The following WFDC1 variants were observed in gnomAD, a reference collection of about 807,000 sequenced individuals.
WFDC1 encodes WAP four-disulfide core domain protein 1.
WFDC1 carries 39 observed loss-of-function variants against 32.9 expected under a neutral mutation model. The ratio of observed to expected loss-of-function variants is 1.19; its 90% CI spans 0.92 to 1.55. The LOEUF (loss-of-function observed/expected upper bound fraction) is 1.55. Among genes scored for constraint, WFDC1 ranks in the 40% most tolerant of loss-of-function variants. The probability of loss-of-function intolerance (pLI) is 0.00; values close to 1 mark genes in which losing one functional copy is unlikely to be tolerated. For synonymous variants in WFDC1, 184 were observed against 137.4 expected (o/e 1.34, Z -2.37); for missense variants, 386 against 309.5 (o/e 1.25, Z -1.85).
rs777007165 is a variant in WFDC1, at chr16:84,318,347, T to G, written c.413T>G (p.Val138Gly). The G allele has an allele frequency of 6.2e-7, 1 of 1,613,506 alleles. No individual in the cohort carries two copies. Among genetic ancestry groups the G allele is most frequent in the Middle Eastern group, 1.7e-4 (1 of 5,974 alleles). ...TGGCTCCTGGATGGCCCTGAGGAGG[T>G]GTTACAAGGTACCTGCCGGGTAAAG... ...NGWLLDGPEE[V>G]LQAEACSTTE... Residue 138 changes from valine to glycine, a missense_variant, in exon 3 of 7, where the codon GTG becomes GGG. Physicochemically the swap from Val to Gly is moderately radical, Grantham distance 109 (BLOSUM62 -3). Coordinates refer to ENST00000219454, the MANE Select transcript of WFDC1 (RefSeq NM_021197.4).
At chr16:84,309,871 TGTG>T (rs1302011205) in intron 1 of WFDC1, among the ~76,000 whole-genome samples, 1 of 2,986 alleles carries the variant, frequency 3.3e-4, no homozygotes, top group Non-Finnish European at 5.5e-4. Flanking sequence ...GGCGTGCTTG[TGTG>T]TGTGTGTGTG....
chr16:84,316,844 G>C (rs1907978855), intron 2 of WFDC1: 1 of 152,144 alleles, frequency 6.6e-6, no homozygotes, highest in Non-Finnish European at 1.5e-5. Context: ...CAGGCATGGT[G>C]ATGCGTGCCT....
At position 84,294,906 on chromosome 16, in the gene WFDC1, C is replaced by T. The variant is rs960623379; in HGVS notation, c.-66C>T. 1 of 1,567,706 alleles carries T rather than the reference C, an allele frequency of 6.4e-7. No homozygotes were observed. The highest frequency in any genetic ancestry group is 1.4e-5 in the African/African-American group (1 of 74,058). ...CTGTGCACGCTCCTGTCCCCACTCA[C>T]AGGCCCACGCAGCGAGGGGGGCCCC... On this transcript the variant is annotated 5_prime_UTR_variant, in exon 1 of 7. Coordinates refer to ENST00000219454, the MANE Select transcript of WFDC1 (RefSeq NM_021197.4).
At chr16:84,300,910 C>G (rs61232441) in intron 1 of WFDC1, among the ~76,000 whole-genome samples, 6,540 of 151,592 alleles carry the variant, frequency 0.043, 427 homozygotes, top group African/African-American at 0.14. Context: ...GCGAGGTGGA[C>G]GTTGCAGTGA....
chr16:84,327,229 C>T, intron 6 of WFDC1: 1 of 394,280 alleles, frequency 2.5e-6, no homozygotes. Context: ...CTCACTCTGT[C>T]ACCCAGGCTG....
At chr16:84,299,749 AGCACCCCTCCAG>A (rs961244458) in intron 1 of WFDC1, among the ~76,000 whole-genome samples, 2 of 152,122 alleles carry the variant, frequency 1.3e-5, no homozygotes, top group Non-Finnish European at 2.9e-5. Context: ...TTCCCCTCTA[AGCACCCCTCCAG>A]GGCAGCTGGA....
chr16:84,302,406 G>A (rs922038089), intron 1 of WFDC1, among the ~76,000 whole-genome samples: 8 of 152,066 alleles, frequency 5.3e-5, no homozygotes, highest in Non-Finnish European at 1.2e-4. Context: ...AAAAAGCAGC[G>A]AGAACCTGAG....
chr16:84,310,254 C>G (rs1907532189), intron 1 of WFDC1, among the ~76,000 whole-genome samples: 1 of 151,822 alleles, frequency 6.6e-6, no homozygotes, highest in African/African-American at 2.4e-5. Context: ...CTGGTGTCAC[C>G]GAAGCACATC....
At chr16:84,324,097 G>A (rs191725214) in intron 4 of WFDC1, among the ~76,000 whole-genome samples, 1 of 150,922 alleles carries the variant, frequency 6.6e-6, no homozygotes, top group Admixed American at 6.7e-5. Context: ...TCCAGCCTGG[G>A]CAACAGAGTG....
chr16:84,302,208 G>C (rs1393092241), intron 1 of WFDC1, among the ~76,000 whole-genome samples: 2 of 152,142 alleles, frequency 1.3e-5, no homozygotes, highest in Non-Finnish European at 2.9e-5. Context: ...GGCTGGGGGA[G>C]GGAGGAATAG....
chr16:84,328,880 G>A (rs539849665), intron 6 of WFDC1: 1 of 152,228 alleles, frequency 6.6e-6, no homozygotes, highest in East Asian at 1.9e-4. Flanking sequence ...TGAGCCTAGG[G>A]AGGTTAAGGC....
chr16:84,308,351 A>C (rs530323886), intron 1 of WFDC1, among the ~76,000 whole-genome samples: 1 of 152,294 alleles, frequency 6.6e-6, no homozygotes, highest in South Asian at 2.1e-4. Context: ...TGCAATTTGC[A>C]GCTACCCAGA....
chr16:84,297,297 G>A (rs536876828), intron 1 of WFDC1, among the ~76,000 whole-genome samples: 30 of 152,194 alleles, frequency 2.0e-4, no homozygotes, highest in African/African-American at 3.4e-4. Context: ...CTTCCTCAGC[G>A]CCTAGACATA....
At chr16:84,325,305 C>A (rs1416583246) in intron 5 of WFDC1, among the ~76,000 whole-genome samples, 1 of 151,716 alleles carries the variant, frequency 6.6e-6, no homozygotes. Context: ...TGGGTTCAAG[C>A]AGTTCTCCTG....
intron 4 of WFDC1, among the ~76,000 whole-genome samples, chr16:84,320,355 G>A (rs1179893130): frequency 6.6e-6 from 1 of 152,176 alleles, no homozygotes; most frequent in Non-Finnish European, 1.5e-5. Context: ...TGTAAGTCAA[G>A]AAGCATCTGT....
intron 4 of WFDC1, among the ~76,000 whole-genome samples, chr16:84,320,924 C>T (rs188215462): frequency 2.0e-5 from 3 of 152,140 alleles, no homozygotes; most frequent in Admixed American, 1.3e-4. Context: ...AAGGCATAGA[C>T]GTAAAATCAG....
rs1327351211 is a variant in WFDC1, at chr16:84,313,887, C to T, written c.337+734C>T. On this transcript the variant is annotated intron_variant, in intron 2 of 6. Coordinates refer to ENST00000219454, the MANE Select transcript of WFDC1 (RefSeq NM_021197.4). Reference sequence around the variant, plus strand: ...TGAAACCCCGTCTCTACTAAAAATACAAAAATTAGCCAGGCGTGGTGGCAG... The same window carrying T: ...TGAAACCCCGTCTCTACTAAAAATATAAAAATTAGCCAGGCGTGGTGGCAG... 2.6e-5 allele frequency among the ~76,000 whole-genome samples: 4 copies of T among 152,104 alleles called. No individual in the cohort carries two copies. The South Asian group carries it at 8.3e-4, about 32-fold the overall frequency.
chr16:84,317,750 C>T (rs78354785), intron 2 of WFDC1: 1 of 158,800 alleles, frequency 6.3e-6, no homozygotes, highest in Admixed American at 5.9e-5. Context: ...TATGCTGCTG[C>T]AACAAAAAGA....
intron 2 of WFDC1, chr16:84,316,928 A>G (rs964189310): frequency 2.6e-5 from 4 of 151,908 alleles, no homozygotes; most frequent in African/African-American, 9.7e-5. Context: ...CAATGAGCCA[A>G]GATTGCGCCA....
Sources: gnomAD v4.1 joint callset for allele counts (sites outside exome capture counted in the v4.1 genomes callset) on GRCh38, gnomAD v4.1.1 for gene constraint, MANE v1.5 for transcripts, NCBI Gene and HGNC (gene_info 2026-07-23, HGNC 2026-07-21) for gene names.